The following TMEM163 variants were observed in gnomAD, a reference collection of about 807,000 sequenced individuals.
The protein encoded by TMEM163 is transmembrane protein 163.
Under a neutral mutation model 29.3 loss-of-function variants are expected in TMEM163, and 17 were observed. The ratio of observed to expected loss-of-function variants is 0.58; its 90% confidence interval spans 0.40 to 0.87. The LOEUF (loss-of-function observed/expected upper bound fraction) is 0.87. TMEM163 is among the 40% of genes least tolerant of loss of function. TMEM163 has a pLI of 0.00. For missense variants in TMEM163, 303 were observed against 381.5 expected, an observed-to-expected ratio of 0.79 and a Z score of 1.71; for synonymous variants, 157 against 160.6, an observed-to-expected ratio of 0.98 and a Z score of 0.17.
chr2:134,559,849 C>T (rs1681128614), intron 2 of TMEM163, among the ~76,000 whole-genome samples: 1 of 152,172 alleles, frequency 6.6e-6, no homozygotes, highest in African/African-American at 2.4e-5. Flanking sequence ...ACTTGCACTC[C>T]AATTTCTAAC....
intron 2 of TMEM163, among the ~76,000 whole-genome samples, chr2:134,574,376 A>C (rs1681498970): frequency 6.6e-6 from 1 of 152,182 alleles, no homozygotes; most frequent in African/African-American, 2.4e-5. Flanking sequence ...CCTGGGCAAC[A>C]TGGCAAAATC....
At chr2:134,608,845 C>G (rs1428175902) in intron 2 of TMEM163, among the ~76,000 whole-genome samples, 2 of 44,944 alleles carry the variant, frequency 4.4e-5, no homozygotes, top group Non-Finnish European at 7.8e-5. Flanking sequence ...AAGGACAGAC[C>G]CCGAGAACTG....
chr2:134,715,349 A>C (rs1174803776), intron 1 of TMEM163, among the ~76,000 whole-genome samples: 3 of 152,226 alleles, frequency 2.0e-5, no homozygotes, highest in African/African-American at 7.2e-5. Context: ...ACAGCCCAGG[A>C]CAGCTGGACT....
intron 4 of TMEM163, among the ~76,000 whole-genome samples, chr2:134,516,006 C>T (rs944745049): frequency 1.3e-5 from 2 of 152,140 alleles, no homozygotes; most frequent in African/African-American, 4.8e-5. Flanking sequence ...TGAGCACGTA[C>T]TACGTGTCCT....
intron 4 of TMEM163, among the ~76,000 whole-genome samples, chr2:134,524,025 C>T (rs1048063592): frequency 2.6e-5 from 4 of 152,186 alleles, no homozygotes; most frequent in African/African-American, 9.7e-5. Context: ...CTGAGAAACC[C>T]TGTTCTACTC....
At chr2:134,648,865 C>T (rs1683399968) in intron 2 of TMEM163, among the ~76,000 whole-genome samples, 3 of 152,296 alleles carry the variant, frequency 2.0e-5, no homozygotes, top group Admixed American at 2.0e-4. Context: ...AAATGATTCG[C>T]TTCAACCAGA....
At chr2:134,564,965 C>T (rs1258407492) in intron 2 of TMEM163, among the ~76,000 whole-genome samples, 2 of 152,272 alleles carry the variant, frequency 1.3e-5, no homozygotes, top group East Asian at 1.9e-4. Context: ...AGGTCAGGTG[C>T]GGTGGTTCAT....
intron 2 of TMEM163, among the ~76,000 whole-genome samples, chr2:134,620,217 GA>G (rs1682699291): frequency 2.7e-5 from 4 of 150,250 alleles, no homozygotes; most frequent in Non-Finnish European, 5.9e-5. Flanking sequence ...ACAATTGTTA[GA>G]AAGAAAAACA....
chr2:134,669,664 T>C (rs1171205801), intron 2 of TMEM163, among the ~76,000 whole-genome samples: 1 of 152,224 alleles, frequency 6.6e-6, no homozygotes, highest in Non-Finnish European at 1.5e-5. Context: ...TGCAACTTCT[T>C]TGACCAAGAG....
intron 2 of TMEM163, among the ~76,000 whole-genome samples, chr2:134,562,402 A>C (rs902492877): frequency 2.0e-5 from 3 of 152,244 alleles, no homozygotes; most frequent in Admixed American, 6.5e-5. Context: ...GCTTTTATTT[A>C]ATGTGTGACA....
chr2:134,520,224 T>G (rs902621469), intron 4 of TMEM163, among the ~76,000 whole-genome samples: 2 of 152,220 alleles, frequency 1.3e-5, no homozygotes, highest in Admixed American at 6.5e-5. Flanking sequence ...ATGACTGATT[T>G]GTCCATTCAT....
intron 2 of TMEM163, among the ~76,000 whole-genome samples, chr2:134,707,151 G>A (rs1006101798): frequency 4.6e-5 from 7 of 152,192 alleles, no homozygotes; most frequent in Non-Finnish European, 8.8e-5. Flanking sequence ...CTGCTTCAGT[G>A]GCGGCAGCCG....
intron 5 of TMEM163, among the ~76,000 whole-genome samples, chr2:134,470,463 G>C (rs1435654076): frequency 6.6e-6 from 1 of 152,132 alleles, no homozygotes; most frequent in Non-Finnish European, 1.5e-5. Context: ...TTAATGTAGA[G>C]AAGCCAAGAT....
Position 134,498,091 on chromosome 2 carries a change from C to A in TMEM163, c.555+4810G>T, listed in dbSNP as rs140218926. 1.4e-3 allele frequency among the ~76,000 whole-genome samples: 210 copies of A among 152,346 alleles called. 2 individuals carry two copies. The highest frequency in any genetic ancestry group is 3.4e-3 in the Middle Eastern group (1 of 294). On this transcript the variant is annotated intron_variant, in intron 5 of 7. Transcript: ENST00000281924. Reference sequence around the variant, plus strand: ...CTGTTCATTTGATCCTTATCATAAGCCTTGGATGGAGGTGCCATCTCCATT... The same window carrying A: ...CTGTTCATTTGATCCTTATCATAAGACTTGGATGGAGGTGCCATCTCCATT...
intron 2 of TMEM163, among the ~76,000 whole-genome samples, chr2:134,708,627 C>T (rs1684867226): frequency 1.3e-5 from 2 of 151,534 alleles, no homozygotes; most frequent in South Asian, 4.2e-4. Context: ...TGCTCTGTCA[C>T]CCAGGCTGGA....
At chr2:134,643,677 A>G (rs1558975320) in intron 2 of TMEM163, among the ~76,000 whole-genome samples, 1 of 151,930 alleles carries the variant, frequency 6.6e-6, no homozygotes, top group Non-Finnish European at 1.5e-5. Flanking sequence ...AAAAAAAACA[A>G]CTCTTAGGAA....
intron 2 of TMEM163, among the ~76,000 whole-genome samples, chr2:134,699,514 A>AG (rs1249788463): frequency 6.6e-6 from 1 of 152,194 alleles, no homozygotes; most frequent in East Asian, 1.9e-4. Flanking sequence ...AAAAAAAAAA[A>AG]AAATGTTGTA....
At chr2:134,566,478 G>A (rs536537556) in intron 2 of TMEM163, among the ~76,000 whole-genome samples, 20 of 152,154 alleles carry the variant, frequency 1.3e-4, no homozygotes, top group Admixed American at 6.5e-4. Context: ...CAGGAGAATC[G>A]CTTGAACCAG....
At chr2:134,666,685 C>CTCTGAGGGAAAA (rs1252065428) in intron 2 of TMEM163, among the ~76,000 whole-genome samples, 1 of 152,208 alleles carries the variant, frequency 6.6e-6, no homozygotes. Flanking sequence ...CTCCCACATT[C>CTCTGAGGGAAAA]AAAACCTAGT....
Sources: gnomAD v4.1 joint callset for allele counts (sites outside exome capture counted in the v4.1 genomes callset) on GRCh38, gnomAD v4.1.1 for gene constraint, MANE v1.5 for transcripts, NCBI Gene and HGNC (gene_info 2026-07-23, HGNC 2026-07-21) for gene names.